KAZN: variants seen among roughly 807,000 people sequenced by gnomAD.
The protein encoded by KAZN is kazrin, periplakin interacting protein.
In KAZN, 40 loss-of-function variants were observed where a neutral mutation model predicts 87.4. The ratio of observed to expected loss-of-function variants is 0.46; its 90% CI spans 0.36 to 0.60. The LOEUF is 0.60. Ranked by LOEUF, KAZN falls within the 20% of genes least tolerant of loss-of-function variation. The pLI is 0.00. For missense variants in KAZN, 898 were observed against 1,073.9 expected (o/e 0.84, Z 2.29); for synonymous variants, 466 against 458.3 (o/e 1.02, Z -0.22).
At chr1:14,068,347 T>C (rs986777379) in intron 1 of KAZN, among the ~76,000 whole-genome samples, 2 of 152,202 alleles carry the variant, frequency 1.3e-5, no homozygotes, top group African/African-American at 4.8e-5. Flanking sequence ...TAGATAGTTT[T>C]CTCATTTGCT....
chr1:15,046,122 A>C (rs1305267986), intron 4 of KAZN, among the ~76,000 whole-genome samples: 11 of 152,118 alleles, frequency 7.2e-5, no homozygotes, highest in Non-Finnish European at 8.8e-5. Context: ...ACACGGTGTA[A>C]CCTTGTCTCT....
intron 2 of KAZN, among the ~76,000 whole-genome samples, chr1:14,966,988 C>T (rs912676709): frequency 3.9e-5 from 6 of 152,076 alleles, no homozygotes; most frequent in Non-Finnish European, 7.4e-5. Flanking sequence ...GTATTACTGG[C>T]GGAAAATGGC....
chr1:14,844,028 C>T (rs1648363567), intron 1 of KAZN, among the ~76,000 whole-genome samples: 1 of 152,206 alleles, frequency 6.6e-6, no homozygotes, highest in Non-Finnish European at 1.5e-5. Context: ...CTCCCTCATC[C>T]TCAGCCTTCC....
At chr1:14,421,945 A>G (rs1405025576) in intron 2 of KAZN, among the ~76,000 whole-genome samples, 2 of 152,170 alleles carry the variant, frequency 1.3e-5, no homozygotes, top group African/African-American at 2.4e-5. Context: ...CAAAGTAACA[A>G]ATATATCCAA....
At chr1:14,847,112 G>A (rs149517289) in intron 1 of KAZN, among the ~76,000 whole-genome samples, 6 of 152,196 alleles carry the variant, frequency 3.9e-5, no homozygotes, top group South Asian at 2.1e-4. Context: ...TGCTGTTTTC[G>A]TTTGTGTTTC....
intron 2 of KAZN, among the ~76,000 whole-genome samples, chr1:14,535,439 G>T (rs551700221): frequency 6.6e-6 from 1 of 152,300 alleles, no homozygotes; most frequent in South Asian, 2.1e-4. Context: ...AGGCCAAGGC[G>T]GGTGGATCAC....
At chr1:15,110,519 G>GTT (rs1557807244) in intron 13 of KAZN, among the ~76,000 whole-genome samples, 1 of 89,274 alleles carries the variant, frequency 1.1e-5, no homozygotes, top group Non-Finnish European at 2.5e-5. Context: ...GTGTGTTTGT[G>GTT]TGTATGTGTT....
chr1:13,921,719 G>A lies in KAZN; in HGVS notation c.91+27963G>A, dbSNP rs145067621. 9.8e-3 allele frequency among the ~76,000 whole-genome samples: 1,493 copies of A among 151,976 alleles called. 22 individuals are homozygous for A. Among genetic ancestry groups the A allele is most frequent in the African/African-American group, 0.034 (1,405 of 41,426 alleles). On this transcript the variant is annotated intron_variant, in intron 1 of 16. Coordinates refer to the KAZN transcript ENST00000636203. Reference sequence around the variant, plus strand: ...TGGCTCACTGCAAGCTCCGCCTCCCGGGTTCATGCCATTCTCCTGCCTCAG... The same window carrying A: ...TGGCTCACTGCAAGCTCCGCCTCCCAGGTTCATGCCATTCTCCTGCCTCAG...
intron 1 of KAZN, among the ~76,000 whole-genome samples, chr1:14,672,538 T>A (rs1639976743): frequency 6.6e-6 from 1 of 152,174 alleles, no homozygotes; most frequent in South Asian, 2.1e-4. Flanking sequence ...AAGAATCAGC[T>A]CTCTCCTCTC....
rs535700107 is a variant in KAZN at position 14,257,983 on chromosome 1, A to T, written c.249+77391A>T. 2.0e-5 allele frequency among the ~76,000 whole-genome samples: 3 copies of T among 149,550 alleles called. No homozygotes were observed. The East Asian group carries it at 5.9e-4, about 29-fold the overall frequency. On this transcript the variant is annotated intron_variant, in intron 2 of 16. Coordinates refer to the KAZN transcript ENST00000636203. ...TTAAAAAAAAAAAAAGAGAAAAAAA[A>T]AAAAGAAAAGAAGGGGGAAGGGTAA...
intron 2 of KAZN, among the ~76,000 whole-genome samples, chr1:14,419,359 C>A (rs1665153387): frequency 6.6e-6 from 1 of 152,186 alleles, no homozygotes; most frequent in Admixed American, 6.5e-5. Flanking sequence ...CCCTGCCCGG[C>A]CATCCCCATC....
At chr1:14,375,381 G>A (rs1259413508) in intron 2 of KAZN, among the ~76,000 whole-genome samples, 1 of 152,182 alleles carries the variant, frequency 6.6e-6, no homozygotes, top group Non-Finnish European at 1.5e-5. Context: ...TAGAGCAGAT[G>A]GCTTGCTTCT....
chr1:13,959,069 T>G (rs1440299877), intron 1 of KAZN, among the ~76,000 whole-genome samples: 3 of 152,206 alleles, frequency 2.0e-5, no homozygotes, highest in Non-Finnish European at 4.4e-5. Context: ...TCTCAACCCC[T>G]GATTCCACCA....
chr1:14,983,665 G>A (rs1482612840), intron 2 of KAZN, among the ~76,000 whole-genome samples: 4 of 152,202 alleles, frequency 2.6e-5, no homozygotes, highest in Admixed American at 2.0e-4. Flanking sequence ...AGAGAGGCCG[G>A]GCGTGGTGGC....
intron 2 of KAZN, among the ~76,000 whole-genome samples, chr1:14,292,266 G>T (rs748885561): frequency 7.2e-5 from 11 of 152,206 alleles, no homozygotes; most frequent in Non-Finnish European, 1.5e-4. Context: ...CACATCTTTT[G>T]TCTTCTGATC....
At chr1:14,763,677 G>T (rs754330888) in intron 1 of KAZN, among the ~76,000 whole-genome samples, 8 of 152,192 alleles carry the variant, frequency 5.3e-5, no homozygotes. Context: ...TTTGGAGTAG[G>T]AATGGATATC....
chr1:15,048,861 T>C (rs1673970870), intron 4 of KAZN, among the ~76,000 whole-genome samples: 1 of 146,248 alleles, frequency 6.8e-6, no homozygotes, highest in South Asian at 2.2e-4. Flanking sequence ...TGGTCCTTGG[T>C]CGTTGGTCCT....
chr1:14,387,763 TTTTG>T (rs2101075608), intron 2 of KAZN, among the ~76,000 whole-genome samples: 3 of 152,044 alleles, frequency 2.0e-5, no homozygotes, highest in Non-Finnish European at 2.9e-5. Flanking sequence ...ACTGCTGTCT[TTTTG>T]TTTGTCTGTG....
At chr1:14,337,232 T>C (rs1304217750) in intron 2 of KAZN, among the ~76,000 whole-genome samples, 2 of 152,216 alleles carry the variant, frequency 1.3e-5, no homozygotes, top group African/African-American at 4.8e-5. Flanking sequence ...ATAAATATGG[T>C]GCAGGCAGGT....
Sources: allele counts gnomAD v4.1 joint callset (sites outside exome capture counted in the v4.1 genomes callset), GRCh38; gene constraint gnomAD v4.1.1; transcripts MANE v1.5; gene names NCBI Gene and HGNC (gene_info 2026-07-23, HGNC 2026-07-21).